UBAP2: variants seen among roughly 807,000 people sequenced by gnomAD.
UBAP2 encodes the protein ubiquitin-associated protein 2.
UBAP2 carries 75 observed loss-of-function variants against 139.6 expected under a neutral mutation model. The observed-to-expected ratio is 0.54, with a 90% CI of 0.45 to 0.65. The LOEUF (loss-of-function observed/expected upper bound fraction) is 0.65. Among genes scored for constraint, UBAP2 ranks in the 30% least tolerant of loss-of-function variants. The pLI is 0.00. For missense variants in UBAP2, 1,368 were observed against 1,369.6 expected (o/e 1.00, Z 0.02); for synonymous variants, 526 against 526.2 (o/e 1.00, Z 0.01).
At chr9:33,988,326 T>C (rs191638473) in intron 5 of UBAP2, among the ~76,000 whole-genome samples, 1 of 152,284 alleles carries the variant, frequency 6.6e-6, no homozygotes, top group East Asian at 1.9e-4. Context: ...AGCAAGAGTC[T>C]CAGGGTGATA....
Position 33,948,531 on chromosome 9 carries a change from G to A in UBAP2, c.1113C>T (p.Ile371=). ...ACTGGTCCAAAATCTGGGAGCTGGT[G>A]ATGTTTGCCATTTTTGGTGGTGCAA... is the stretch of plus-strand genomic sequence containing the variant. ...GELAPPKMAN[I]TSSQILDQLK... The change falls in exon 13 of 29, where the codon ATC becomes ATT. Residue 371 remains isoleucine, a synonymous_variant. Transcript: ENST00000379238. The A allele has an allele frequency of 6.2e-6, 10 of 1,614,180 alleles. No homozygotes were observed. The highest frequency in any genetic ancestry group is 8.5e-6 in the Non-Finnish European group (10 of 1,180,026).
At chr9:34,007,058 CT>C (rs1226789497) in intron 2 of UBAP2, among the ~76,000 whole-genome samples, 4 of 152,142 alleles carry the variant, frequency 2.6e-5, no homozygotes, top group Non-Finnish European at 5.9e-5. Flanking sequence ...TTTCTCAGTT[CT>C]AACAGATGTT....
intron 1 of UBAP2, among the ~76,000 whole-genome samples, chr9:34,028,601 A>G (rs911381512): frequency 5.9e-5 from 9 of 151,856 alleles, no homozygotes; most frequent in African/African-American, 2.2e-4. Context: ...GCTGGTCTCA[A>G]ACTCCTGACC....
chr9:33,982,173 CCT>C (rs752702721), intron 6 of UBAP2, among the ~76,000 whole-genome samples: 1 of 152,116 alleles, frequency 6.6e-6, no homozygotes, highest in Non-Finnish European at 1.5e-5. Flanking sequence ...GCCAGCAGCC[CCT>C]CTTTCACCCA....
intron 1 of UBAP2, among the ~76,000 whole-genome samples, chr9:34,030,065 C>T (rs1031630000): frequency 6.6e-6 from 1 of 151,938 alleles, no homozygotes; most frequent in Admixed American, 6.6e-5. Flanking sequence ...CTTTGAGAGG[C>T]TGTGGCAGGA....
rs1460636194 is a variant in UBAP2, at chr9:33,933,477, A to C, written c.2108+13T>G. On this transcript the variant is annotated intron_variant, in intron 18 of 28. Coordinates refer to ENST00000379238, the MANE Select transcript of UBAP2 (RefSeq NM_001370062.2). ...AAGGTACTTCTCACTTTGGGCCCAC[A>C]CCTTCCCCATACCTGCTAAGCTGAG... 6.2e-7 allele frequency: 1 copy of C among 1,613,102 alleles called. No homozygotes were observed. Among genetic ancestry groups the C allele is most frequent in the South Asian group, 1.1e-5 (1 of 91,020 alleles).
intron 3 of UBAP2, chr9:33,997,216 T>C (rs889009239): frequency 6.6e-6 from 1 of 152,238 alleles, no homozygotes; most frequent in African/African-American, 2.4e-5. Flanking sequence ...CAGTTTATTC[T>C]CATTAGCAAG....
At chr9:34,031,377 T>G (rs1208373308) in intron 1 of UBAP2, among the ~76,000 whole-genome samples, 1 of 152,060 alleles carries the variant, frequency 6.6e-6, no homozygotes, top group Non-Finnish European at 1.5e-5. Flanking sequence ...TCTGTAATCT[T>G]GGCTTACTGC....
chr9:33,973,182 C>T lies in UBAP2; in HGVS notation c.575+1G>A. Reference sequence around the variant, plus strand: ...ATAAAAATAGGATGGCTATCACTTACCCCATGCCTTGGGTTGAGAACCTTC... The same window carrying T: ...ATAAAAATAGGATGGCTATCACTTATCCCATGCCTTGGGTTGAGAACCTTC... On this transcript the variant is annotated splice_donor_variant, in intron 7 of 28. Transcript: ENST00000379238. LOFTEE classifies it high-confidence loss of function. 1 of 1,613,836 alleles carries T rather than the reference C, an allele frequency of 6.2e-7. No homozygotes were observed. The highest frequency in any genetic ancestry group is 1.7e-5 in the Admixed American group (1 of 60,004).
chr9:34,000,008 C>A (rs956693352), intron 2 of UBAP2, among the ~76,000 whole-genome samples: 4 of 151,930 alleles, frequency 2.6e-5, no homozygotes, highest in African/African-American at 9.7e-5. Context: ...AGTGCACTGG[C>A]ACGATCTTGG....
At chr9:34,030,286 A>C (rs1421498951) in intron 1 of UBAP2, among the ~76,000 whole-genome samples, 1 of 151,512 alleles carries the variant, frequency 6.6e-6, no homozygotes, top group Admixed American at 6.6e-5. Flanking sequence ...TCTACTAAAA[A>C]TACAAAAACA....
At chr9:34,045,433 A>T (rs1221658443) in intron 1 of UBAP2, among the ~76,000 whole-genome samples, 3 of 136,128 alleles carry the variant, frequency 2.2e-5, no homozygotes, top group Non-Finnish European at 5.2e-5. Context: ...GATGAAGTCC[A>T]ATGGCACATG....
At chr9:33,969,654 G>A (rs550352390) in intron 8 of UBAP2, among the ~76,000 whole-genome samples, 3 of 151,370 alleles carry the variant, frequency 2.0e-5, no homozygotes, top group Non-Finnish European at 4.4e-5. Context: ...ATCATTTGAG[G>A]TCAGGAGTTC....
intron 22 of UBAP2, among the ~76,000 whole-genome samples, chr9:33,925,427 T>C (rs562324712): frequency 6.6e-6 from 1 of 152,186 alleles, no homozygotes; most frequent in East Asian, 1.9e-4. Flanking sequence ...ACCCGAGGGA[T>C]AGAAAGAGCA....
intron 4 of UBAP2, among the ~76,000 whole-genome samples, chr9:33,991,804 G>A (rs1440325913): frequency 2.6e-5 from 4 of 152,142 alleles, no homozygotes; most frequent in Non-Finnish European, 5.9e-5. Flanking sequence ...AAATTCCAGA[G>A]GTCCTGGAAA....
intron 10 of UBAP2, among the ~76,000 whole-genome samples, chr9:33,959,092 G>A (rs1016979683): frequency 5.9e-5 from 9 of 151,870 alleles, no homozygotes; most frequent in Non-Finnish European, 1.3e-4. Context: ...AGGCTGCAGT[G>A]AGCCAAGATC....
At chr9:34,015,958 T>C (rs954350742) in intron 2 of UBAP2, among the ~76,000 whole-genome samples, 1 of 152,170 alleles carries the variant, frequency 6.6e-6, no homozygotes, top group African/African-American at 2.4e-5. Flanking sequence ...CATGAGCCAC[T>C]ATGCCCAGCA....
chr9:34,027,041 A>G (rs1825457954), intron 1 of UBAP2, among the ~76,000 whole-genome samples: 1 of 152,140 alleles, frequency 6.6e-6, no homozygotes, highest in African/African-American at 2.4e-5. Flanking sequence ...ATACTGGTAT[A>G]TTTCTGTGAC....
Position 34,017,170 on chromosome 9 carries a change from G to GT in UBAP2, c.-23dup. On this transcript the variant is annotated 5_prime_UTR_variant, in exon 2 of 29. Transcript: ENST00000379238. The stretch of plus-strand genomic sequence containing the variant: ...TCATATACAGTATATACAAAATAAT[G>GT]TATGTACAAAATAGAAAATCTGCAA... 1 of 1,519,800 alleles carries GT rather than the reference G, an allele frequency of 6.6e-7. No homozygotes were observed. Among genetic ancestry groups the GT allele is most frequent in the South Asian group, 1.3e-5 (1 of 78,960 alleles). 94.1% of individuals were successfully genotyped at this position (1,519,800 alleles called of 1,614,324 possible).
Sources: gnomAD v4.1 joint callset for allele counts (sites outside exome capture counted in the v4.1 genomes callset) on GRCh38, gnomAD v4.1.1 for gene constraint, MANE v1.5 for transcripts, NCBI Gene and HGNC (gene_info 2026-07-23, HGNC 2026-07-21) for gene names.